LTBP1: variants seen among roughly 807,000 people sequenced by gnomAD.
LTBP1 encodes the protein latent-transforming growth factor beta-binding protein 1.
LTBP1 carries 129 observed loss-of-function variants against 207.6 expected under a neutral mutation model. That is an observed-to-expected ratio of 0.62 (90% CI 0.54 to 0.72). LTBP1 has a LOEUF of 0.72. Ranked by LOEUF, LTBP1 falls within the 30% of genes least tolerant of loss-of-function variation. The pLI, the probability that LTBP1 is intolerant of heterozygous loss-of-function variation, is 0.00. For synonymous variants in LTBP1, 963 were observed against 833.7 expected (o/e 1.16, Z -2.67); for missense variants, 2,281 against 2,217.2 (o/e 1.03, Z -0.58).
intron 8 of LTBP1, among the ~76,000 whole-genome samples, chr2:33,221,390 C>T (rs767578096): frequency 2.0e-5 from 3 of 152,174 alleles, no homozygotes; most frequent in East Asian, 1.9e-4. Context: ...TGGCTGCATC[C>T]GCTATGCCAG....
chr2:33,331,130 C>T (rs1439632126), intron 24 of LTBP1, among the ~76,000 whole-genome samples: 2 of 151,574 alleles, frequency 1.3e-5, no homozygotes, highest in South Asian at 2.1e-4. Context: ...GCTTATGTTT[C>T]GCTCTTGATC....
chr2:33,074,245 A>G (rs1171719430), intron 3 of LTBP1, among the ~76,000 whole-genome samples: 1 of 152,240 alleles, frequency 6.6e-6, no homozygotes, highest in Non-Finnish European at 1.5e-5. Flanking sequence ...AAAGAGACGT[A>G]GCTGCAAACC....
At chr2:32,987,737 G>C (rs1013689625) in intron 2 of LTBP1, among the ~76,000 whole-genome samples, 1 of 152,114 alleles carries the variant, frequency 6.6e-6, no homozygotes, top group African/African-American at 2.4e-5. Context: ...AGGAAACAAA[G>C]GTCACTGCTG....
At chr2:33,221,961 C>A in intron 8 of LTBP1, 119 bp from the exon 9 acceptor site, 1 of 645,416 alleles carries the variant, frequency 1.5e-6, no homozygotes, top group Non-Finnish European at 2.8e-6. Flanking sequence ...GTATTGGTTT[C>A]TTATATTAAT....
chr2:33,187,312 A>G (rs1161666729), intron 6 of LTBP1, among the ~76,000 whole-genome samples: 4 of 152,216 alleles, frequency 2.6e-5, no homozygotes, highest in East Asian at 1.9e-4. Context: ...AAAGGAGCCC[A>G]TTCTTCTCTA....
chr2:33,196,005 T>G (rs1321228637), intron 7 of LTBP1, among the ~76,000 whole-genome samples: 2 of 152,196 alleles, frequency 1.3e-5, no homozygotes, highest in Non-Finnish European at 2.9e-5. Flanking sequence ...AATAAAGTGT[T>G]TTAAAATTAA....
intron 3 of LTBP1, among the ~76,000 whole-genome samples, chr2:33,103,360 C>T (rs2079853386): frequency 6.7e-6 from 1 of 149,032 alleles, no homozygotes; most frequent in African/African-American, 2.5e-5. Flanking sequence ...GCCTGTATGC[C>T]GTATACATTG....
chr2:33,144,936 A>G (rs1245270365), intron 5 of LTBP1, among the ~76,000 whole-genome samples: 1 of 152,226 alleles, frequency 6.6e-6, no homozygotes, highest in Non-Finnish European at 1.5e-5. Flanking sequence ...GAGGTCAGCC[A>G]CATAGTCATC....
chr2:33,361,427 A>G lies in LTBP1; in HGVS notation c.4184-2A>G. 2 of 1,573,180 alleles carry G rather than the reference A, an allele frequency of 1.3e-6. No homozygotes were observed. The highest frequency in any genetic ancestry group is 8.7e-7 in the Non-Finnish European group (1 of 1,155,704). ...TTTTTTTTTTGTCTCTTCTAAAATC[A>G]GCTGAGTTCACTGAAATGTGTCCCA... On this transcript the variant is annotated splice_acceptor_variant, in intron 27 of 33. Transcript: ENST00000404816. LOFTEE classifies it high-confidence loss of function.
chr2:32,971,040 G>GTGTC (rs869199467), intron 2 of LTBP1, among the ~76,000 whole-genome samples: 23 of 137,232 alleles, frequency 1.7e-4, no homozygotes, highest in East Asian at 5.4e-4. Context: ...GTGTGTGTGT[G>GTGTC]TGTCTGTCTG....
intron 22 of LTBP1, among the ~76,000 whole-genome samples, chr2:33,306,263 A>G (rs937531706): frequency 9.2e-5 from 14 of 152,186 alleles, no homozygotes; most frequent in African/African-American, 3.1e-4. Context: ...ATGAGAATCA[A>G]ATTGCTTTAA....
chr2:33,161,244 G>A (rs1029127317), intron 5 of LTBP1, among the ~76,000 whole-genome samples: 3 of 151,314 alleles, frequency 2.0e-5, no homozygotes, highest in Non-Finnish European at 4.4e-5. Flanking sequence ...AGGTTAAATA[G>A]GAAGCTTTTT....
intron 2 of LTBP1, among the ~76,000 whole-genome samples, chr2:32,949,198 C>T (rs765222409): frequency 6.6e-6 from 1 of 152,230 alleles, no homozygotes; most frequent in Non-Finnish European, 1.5e-5. Flanking sequence ...AGATATTCAT[C>T]ATTCTGGCAC....
chr2:33,129,932 T>A (rs1006508816), intron 4 of LTBP1, among the ~76,000 whole-genome samples: 4 of 152,142 alleles, frequency 2.6e-5, no homozygotes, highest in African/African-American at 9.7e-5. Flanking sequence ...TCTTGGAGGG[T>A]TTTCCAGGAC....
chr2:33,086,859 A>G (rs2078783052), intron 3 of LTBP1, among the ~76,000 whole-genome samples: 1 of 151,782 alleles, frequency 6.6e-6, no homozygotes, highest in Non-Finnish European at 1.5e-5. Flanking sequence ...AAAATAAACT[A>G]ACACATTGTC....
intron 5 of LTBP1, among the ~76,000 whole-genome samples, chr2:33,144,875 T>A (rs1380345860): frequency 6.6e-6 from 1 of 152,168 alleles, no homozygotes; most frequent in South Asian, 2.1e-4. Context: ...ATTTGTCTAT[T>A]GTTGGAAAGC....
intron 2 of LTBP1, among the ~76,000 whole-genome samples, chr2:33,019,696 C>T (rs908177927): frequency 6.0e-5 from 9 of 151,038 alleles, no homozygotes; most frequent in Admixed American, 5.9e-4. Flanking sequence ...CTACCAATGA[C>T]CCACAGCCCT....
Position 33,151,267 on chromosome 2 carries a change from A to G in LTBP1, c.1201+16307A>G, listed in dbSNP as rs1246028301. Among the ~76,000 whole-genome samples, 4 of 152,278 alleles carry G rather than the reference A, an allele frequency of 2.6e-5. No homozygotes were observed. The East Asian group carries it at 7.7e-4, about 29-fold the overall frequency. On this transcript the variant is annotated intron_variant, in intron 5 of 33. Transcript: ENST00000404816. ...TTTGAATTTTTTGGTGCATATACCTAGAAGTGGAATTTCTGGGTCAGGTGA... is the reference window on the plus strand; with the variant it reads ...TTTGAATTTTTTGGTGCATATACCTGGAAGTGGAATTTCTGGGTCAGGTGA...
rs17012626 is a variant in LTBP1, at chr2:33,166,326, C to T, written c.1202-20530C>T. Among the ~76,000 whole-genome samples the T allele has an allele frequency of 1.0e-2, 1,519 of 152,252 alleles. 27 individuals carry two copies. Among genetic ancestry groups the T allele is most frequent in the African/African-American group, 0.035 (1,441 of 41,548 alleles). On this transcript the variant is annotated intron_variant, in intron 5 of 33. Transcript: ENST00000404816. Reference sequence around the variant, plus strand: ...AGGAGAAAGAGAAACGGGAGGAATACTAGGGAAAAGTTGCTGAAATTCTTC... The same window carrying T: ...AGGAGAAAGAGAAACGGGAGGAATATTAGGGAAAAGTTGCTGAAATTCTTC...
Sources: gnomAD v4.1 joint callset for allele counts (sites outside exome capture counted in the v4.1 genomes callset) on GRCh38, gnomAD v4.1.1 for gene constraint, MANE v1.5 for transcripts, NCBI Gene and HGNC (gene_info 2026-07-23, HGNC 2026-07-21) for gene names.